The following HS2ST1 variants were observed in gnomAD, a reference collection of about 807,000 sequenced individuals.
The protein encoded by HS2ST1 is 2-O-sulfotransferase.
In HS2ST1, 18 loss-of-function variants were observed where a neutral mutation model predicts 42.9. The ratio of observed to expected loss-of-function variants is 0.42; its 90% CI spans 0.29 to 0.62. The LOEUF (loss-of-function observed/expected upper bound fraction) is 0.62, where lower values mean the gene tolerates loss of function less well. Ranked by LOEUF, HS2ST1 falls within the 20% of genes least tolerant of loss-of-function variation. HS2ST1 has a pLI of 0.21. For missense variants in HS2ST1, 334 were observed against 433.8 expected (o/e 0.77, Z 2.04); for synonymous variants, 146 against 152.9 (o/e 0.95, Z 0.33).
rs950685902 is a variant in HS2ST1 at position 87,104,873 on chromosome 1, C to A, written c.*177C>A. On this transcript the variant is annotated 3_prime_UTR_variant, in exon 7 of 7. Coordinates refer to ENST00000370550, the MANE Select transcript of HS2ST1 (RefSeq NM_012262.4). ...GATACTGGCTGGCATTGTCAGTGTTCTAAGTTTCAGGCATTTTTATTTTTC... is the reference window on the plus strand; with the variant it reads ...GATACTGGCTGGCATTGTCAGTGTTATAAGTTTCAGGCATTTTTATTTTTC... 2 of 535,952 alleles carry A rather than the reference C, an allele frequency of 3.7e-6. No individual in the cohort carries two copies. The highest frequency in any genetic ancestry group is 1.9e-5 in the African/African-American group (1 of 52,430). 33.2% of individuals were successfully genotyped at this position (535,952 alleles called of 1,614,324 possible).
chr1:86,990,957 G>C (rs1440033733), intron 1 of HS2ST1, among the ~76,000 whole-genome samples: 2 of 148,114 alleles, frequency 1.4e-5, no homozygotes, highest in African/African-American at 2.5e-5. Flanking sequence ...TGGGATTATA[G>C]GCCTGAGTGC....
At chr1:87,075,351 G>A (rs993596824) in intron 2 of HS2ST1, among the ~76,000 whole-genome samples, 1 of 151,826 alleles carries the variant, frequency 6.6e-6, no homozygotes, top group Admixed American at 6.6e-5. Flanking sequence ...ATTTTTAGTA[G>A]AGACAGAGTC....
At chr1:86,988,696 C>G (rs181518101) in intron 1 of HS2ST1, among the ~76,000 whole-genome samples, 10 of 152,288 alleles carry the variant, frequency 6.6e-5, no homozygotes, top group Admixed American at 2.6e-4. Context: ...TGATCATTGG[C>G]CTAATTACAG....
chr1:86,954,683 C>T (rs934533280), intron 1 of HS2ST1, among the ~76,000 whole-genome samples: 1 of 152,108 alleles, frequency 6.6e-6, no homozygotes, highest in Non-Finnish European at 1.5e-5. Context: ...GTTCCACTTT[C>T]TTCTCATGTA....
chr1:87,079,973 A>C (rs1240903341), intron 2 of HS2ST1, among the ~76,000 whole-genome samples: 3 of 151,992 alleles, frequency 2.0e-5, no homozygotes, highest in African/African-American at 7.3e-5. Flanking sequence ...ACTTGAGCCC[A>C]GGAGTTAGAG....
At chr1:87,062,719 T>C (rs2100624622) in intron 1 of HS2ST1, among the ~76,000 whole-genome samples, 1 of 152,330 alleles carries the variant, frequency 6.6e-6, no homozygotes, top group Admixed American at 6.5e-5. Context: ...GCCAGTCTTT[T>C]AGGGTAGGTC....
Position 87,104,812 on chromosome 1 carries a change from C to A in HS2ST1, c.*116C>A. The A allele has an allele frequency of 1.6e-6, 1 of 625,536 alleles. No individual in the cohort carries two copies. The highest frequency in any genetic ancestry group is 2.8e-6 in the Non-Finnish European group (1 of 356,388). 38.7% of individuals were successfully genotyped at this position (625,536 alleles called of 1,614,324 possible). ...GGTGTATATGACAATTTGTATTGAG[C>A]CAAATTAGGAAACAGACAGTAACGT... On this transcript the variant is annotated 3_prime_UTR_variant, in exon 7 of 7. Transcript: ENST00000370550.
intron 1 of HS2ST1, among the ~76,000 whole-genome samples, chr1:87,059,686 G>A (rs543246921): frequency 2.0e-5 from 3 of 152,270 alleles, no homozygotes; most frequent in Middle Eastern, 3.4e-3. Context: ...CTTGGTGCAG[G>A]TGTTATTGGC....
chr1:86,933,321 A>G (rs747029143), intron 1 of HS2ST1, among the ~76,000 whole-genome samples: 3 of 152,110 alleles, frequency 2.0e-5, no homozygotes, highest in Non-Finnish European at 2.9e-5. Flanking sequence ...TAATTGTCCA[A>G]CAGTTCTTAA....
Position 87,048,314 on chromosome 1 carries a change from T to C in HS2ST1, c.125-24620T>C, listed in dbSNP as rs115117465. On this transcript the variant is annotated intron_variant, in intron 1 of 6. Coordinates refer to ENST00000370550, the MANE Select transcript of HS2ST1 (RefSeq NM_012262.4). Reference sequence around the variant, plus strand: ...TTTTATTAGATTCTTTTGGAATTTCTACGCATTCAGTCATGCTGTCTGTGA... The same window carrying C: ...TTTTATTAGATTCTTTTGGAATTTCCACGCATTCAGTCATGCTGTCTGTGA... 5.4e-3 allele frequency among the ~76,000 whole-genome samples: 827 copies of C among 152,334 alleles called. 4 individuals are homozygous for C. Among genetic ancestry groups the C allele is most frequent in the African/African-American group, 0.019 (775 of 41,588 alleles).
At chr1:87,051,877 C>A (rs555826957) in intron 1 of HS2ST1, among the ~76,000 whole-genome samples, 2 of 152,228 alleles carry the variant, frequency 1.3e-5, no homozygotes, top group Admixed American at 1.3e-4. Context: ...ATACCTGTGA[C>A]TAATTTTTAA....
rs1315237369 is a variant in HS2ST1 at position 87,105,227 on chromosome 1, T to C, written c.*531T>C. 6.6e-6 allele frequency: 1 copy of C among 152,650 alleles called. No individual in the cohort carries two copies. Among genetic ancestry groups the C allele is most frequent in the African/African-American group, 2.4e-5 (1 of 41,448 alleles). 9.5% of individuals were successfully genotyped at this position (152,650 alleles called of 1,614,324 possible). On this transcript the variant is annotated 3_prime_UTR_variant, in exon 7 of 7. Coordinates refer to ENST00000370550, the MANE Select transcript of HS2ST1 (RefSeq NM_012262.4). ...TATTTGCTAAGAAATGTTTCTGCTGTAGTTGGATTTGCCCATATTTATGTA... is the reference window on the plus strand; with the variant it reads ...TATTTGCTAAGAAATGTTTCTGCTGCAGTTGGATTTGCCCATATTTATGTA...
At chr1:86,941,705 A>G (rs1053233967) in intron 1 of HS2ST1, among the ~76,000 whole-genome samples, 1 of 151,806 alleles carries the variant, frequency 6.6e-6, no homozygotes, top group Non-Finnish European at 1.5e-5. Flanking sequence ...AACCCGGGAG[A>G]CGGAGGTTGC....
intron 1 of HS2ST1, among the ~76,000 whole-genome samples, chr1:86,979,169 C>G (rs1293733792): frequency 1.3e-5 from 2 of 152,196 alleles, no homozygotes; most frequent in East Asian, 3.9e-4. Flanking sequence ...AATCTTTATT[C>G]TTATTTGCTT....
At chr1:87,088,401 GTAGT>G (rs1296700325) in intron 3 of HS2ST1, among the ~76,000 whole-genome samples, 1 of 152,012 alleles carries the variant, frequency 6.6e-6, no homozygotes, top group Non-Finnish European at 1.5e-5. Context: ...GCACATATCA[GTAGT>G]TAGTTCCTTG....
intron 1 of HS2ST1, among the ~76,000 whole-genome samples, chr1:86,940,365 C>T (rs1306730794): frequency 2.0e-5 from 3 of 151,886 alleles, no homozygotes; most frequent in African/African-American, 4.8e-5. Flanking sequence ...CAGAGCAAGT[C>T]CCTATTAAAA....
chr1:87,083,737 T>C (rs1309169340), intron 2 of HS2ST1, among the ~76,000 whole-genome samples: 1 of 152,234 alleles, frequency 6.6e-6, no homozygotes, highest in Non-Finnish European at 1.5e-5. Flanking sequence ...AAAATCATTT[T>C]GGTTTTAAAT....
At chr1:86,949,888 A>G (rs570915056) in intron 1 of HS2ST1, among the ~76,000 whole-genome samples, 1 of 152,330 alleles carries the variant, frequency 6.6e-6, no homozygotes, top group East Asian at 1.9e-4. Flanking sequence ...GCTTTTCAGG[A>G]GATGCAAAAT....
At chr1:87,045,835 C>T in intron 1 of HS2ST1, 1 of 749,768 alleles carries the variant, frequency 1.3e-6, no homozygotes, top group East Asian at 2.8e-5. Flanking sequence ...AGCTCAGCTC[C>T]ATCCCCCTTT....
Sources: gnomAD v4.1 joint callset for allele counts (sites outside exome capture counted in the v4.1 genomes callset) on GRCh38, gnomAD v4.1.1 for gene constraint, MANE v1.5 for transcripts, NCBI Gene and HGNC (gene_info 2026-07-23, HGNC 2026-07-21) for gene names.